The following TROAP variants were observed in gnomAD, a reference collection of about 807,000 sequenced individuals.
The protein encoded by TROAP is tastin.
Under a neutral mutation model 83.4 loss-of-function variants are expected in TROAP, and 62 were observed. The observed-to-expected ratio is 0.74, with a 90% CI of 0.61 to 0.92. The LOEUF (loss-of-function observed/expected upper bound fraction) is 0.92, where lower values mean the gene tolerates loss of function less well. TROAP is among the 40% of genes least tolerant of loss of function. TROAP has a pLI of 0.00. For synonymous variants in TROAP, 352 were observed against 386.4 expected (o/e 0.91, Z 1.04); for missense variants, 876 against 985.1 (o/e 0.89, Z 1.48).
chr12:49,324,799 C>T (rs1052051368), intron 3 of TROAP, among the ~76,000 whole-genome samples: 2 of 150,256 alleles, frequency 1.3e-5, no homozygotes, highest in Non-Finnish European at 3.0e-5. Flanking sequence ...GGCATGATCT[C>T]GGCTCACTGC....
intron 3 of TROAP, chr12:49,324,299 G>C: frequency 8.4e-7 from 1 of 1,195,978 alleles, no homozygotes; most frequent in Non-Finnish European, 1.2e-6. Context: ...TGGAGGCCAG[G>C]AGTTGGAGAC....
Position 49,331,350 on chromosome 12 carries a change from C to T in TROAP, c.2235C>T (p.Gly745=). The change falls in exon 14 of 15, where the codon GGC becomes GGT. Residue 745 remains glycine, a synonymous_variant. Coordinates refer to ENST00000257909, the MANE Select transcript of TROAP (RefSeq NM_005480.4). ...AFYTSRAPPS[G]PTRVCTNPVA... The stretch of plus-strand genomic sequence containing the variant: ...ACACCAGCCGAGCCCCTCCCTCAGG[C>T]CCCACCCGGGTCTGCACCAACCCTG... The T allele has an allele frequency of 6.2e-7, 1 of 1,614,198 alleles. No homozygotes were observed. Among genetic ancestry groups the T allele is most frequent in the Non-Finnish European group, 8.5e-7 (1 of 1,180,024 alleles).
chr12:49,325,937 G>T lies in TROAP; in HGVS notation c.633+53G>T. The T allele has an allele frequency of 3.7e-6, 6 of 1,605,304 alleles. No individual in the cohort carries two copies. The South Asian group carries it at 6.6e-5, about 18-fold the overall frequency. ...GGTGCTTCTGGGAGCTCCTTCCAGG[G>T]ACAAAGCTGGGCTCTGGGAGAAGAG... On this transcript the variant is annotated intron_variant, in intron 5 of 14. Coordinates refer to ENST00000257909, the MANE Select transcript of TROAP (RefSeq NM_005480.4).
chr12:49,331,184 A>G, intron 13 of TROAP, 30 bp from the exon 14 acceptor site: 1 of 1,612,722 alleles, frequency 6.2e-7, no homozygotes, highest in Non-Finnish European at 8.5e-7. Flanking sequence ...AGGACCCCAG[A>G]CCTCCCTCTA....
rs138412672 is a variant in TROAP at position 49,331,531 on chromosome 12, G to A, written c.2293-42G>A. Reference sequence around the variant, plus strand: ...GTCAGCAGGAAGGCTTGGCTACAGTGCAAGGTTGGCTGAGCTGTGACAAGG... The same window carrying A: ...GTCAGCAGGAAGGCTTGGCTACAGTACAAGGTTGGCTGAGCTGTGACAAGG... On this transcript the variant is annotated intron_variant, in intron 14 of 14. Coordinates refer to ENST00000257909, the MANE Select transcript of TROAP (RefSeq NM_005480.4). 46 of 1,614,130 alleles carry A rather than the reference G, an allele frequency of 2.8e-5. No individual in the cohort carries two copies. In the East Asian group the frequency reaches 1.0e-3, roughly 36 times the overall value.
intron 3 of TROAP, 152 bp downstream of exon 3, chr12:49,324,189 T>C: frequency 6.2e-7 from 1 of 1,614,158 alleles, no homozygotes; most frequent in South Asian, 1.1e-5. Context: ...TCTTTGCTCT[T>C]AGAAGATCTC....
At chr12:49,330,970 G>C (rs1307230018) in intron 13 of TROAP, 27 bp downstream of exon 13, 1 of 1,606,238 alleles carries the variant, frequency 6.2e-7, no homozygotes, top group African/African-American at 1.3e-5. Context: ...GAAGGAGTGT[G>C]AACACAAGAG....
At position 49,330,879 on chromosome 12, in the gene TROAP, C is replaced by T. The variant is rs1943570319; in HGVS notation, c.2034C>T (p.His678=). Residue 678 remains histidine (H), a synonymous_variant, in exon 13 of 15, where the codon CAC becomes CAT. Transcript: ENST00000257909. The stretch of plus-strand genomic sequence containing the variant: ...CCAGCCTGATCTTCTCTTCCCAACA[C>T]CCGCTTTGTGCCAGCCCCCCTATCT... ...ATTSLIFSSQ[H]PLCASPPICS... 6.2e-7 allele frequency: 1 copy of T among 1,612,972 alleles called. No homozygotes were observed. Among genetic ancestry groups the T allele is most frequent in the Non-Finnish European group, 8.5e-7 (1 of 1,179,958 alleles).
rs200324288 is a variant in TROAP at position 49,329,180 on chromosome 12, G to A, written c.1040G>A (p.Arg347Gln). The change falls in exon 10 of 15, where the codon CGG becomes CAG. Residue 347 changes from arginine (R) to glutamine (Q), a missense_variant. Physicochemically the swap from Arg to Gln is conservative, Grantham distance 43. Coordinates refer to ENST00000257909, the MANE Select transcript of TROAP (RefSeq NM_005480.4). The surrounding 1 kb of genome is among the most constrained non-coding windows in gnomAD (Gnocchi z 4.5). ...PPTLTSYSVL[R>Q]RLTVQPKTRF... ...CCCCAGACCTCATATTCAGTGTTGC[G>A]GCGTCTCACCGTTCAACCTAAAACC... The A allele has an allele frequency of 7.9e-5, 128 of 1,613,970 alleles. No individual in the cohort carries two copies. Among genetic ancestry groups the A allele is most frequent in the Non-Finnish European group, 1.0e-4 (119 of 1,180,032 alleles).
In TROAP at chr12:49,329,631, G is replaced by A; in HGVS notation, c.1164+177G>A. ...GCTTGAGCTCAGATCTTTGAGACCA[G>A]CCTGGGCAACATAGTGAGACCCTGT... On this transcript the variant is annotated intron_variant, in intron 11 of 14. Coordinates refer to ENST00000257909, the MANE Select transcript of TROAP (RefSeq NM_005480.4). The surrounding 1 kb of genome is among the most constrained non-coding windows in gnomAD (Gnocchi z 4.5). 1 of 986,310 alleles carries A rather than the reference G, an allele frequency of 1.0e-6. No individual in the cohort carries two copies. The highest frequency in any genetic ancestry group is 1.5e-6 in the Non-Finnish European group (1 of 667,728). 61.1% of individuals were successfully genotyped at this position (986,310 alleles called of 1,614,324 possible).
At position 49,330,754 on chromosome 12, in the gene TROAP, C is replaced by T. The variant is rs371986463; in HGVS notation, c.1909C>T (p.Pro637Ser). 30 of 1,613,914 alleles carry T rather than the reference C, an allele frequency of 1.9e-5. No homozygotes were observed. Among genetic ancestry groups the T allele is most frequent in the Non-Finnish European group, 2.5e-5 (30 of 1,179,970 alleles). ...GCAGTCTGGACCCCCAGGGCCCTGC[C>T]CTAGGGTAGAGCTGGGGGCATCAGA... ...QGQSGPPGPC[P>S]RVELGASEPC... Residue 637 changes from proline (P) to serine (S), a missense_variant, in exon 13 of 15, where the codon CCT becomes TCT. Pro to Ser is a moderately conservative substitution (Grantham distance 74, BLOSUM62 -1). Transcript: ENST00000257909.
rs764989091 is a variant in TROAP, at chr12:49,327,280, C to G, written c.841C>G (p.Leu281Val). 2 of 1,614,174 alleles carry G rather than the reference C, an allele frequency of 1.2e-6. No homozygotes were observed. Among genetic ancestry groups the G allele is most frequent in the Admixed American group, 1.7e-5 (1 of 60,020 alleles). Residue 281 changes from leucine to valine, a missense_variant, in exon 8 of 15, where the codon CTG becomes GTG. Transcript: ENST00000257909. ...TGAAGGAGGTGTGGCCTCTCTTGGTCTGGCCCAGCGAGTACCATTAAGAGA... is the reference window on the plus strand; with the variant it reads ...TGAAGGAGGTGTGGCCTCTCTTGGTGTGGCCCAGCGAGTACCATTAAGAGA... ...SDEGGVASLG[L>V]AQRVPLRENR...
chr12:49,330,495 A>C lies in TROAP; in HGVS notation c.1650A>C (p.Pro550=). The C allele has an allele frequency of 6.2e-7, 1 of 1,613,422 alleles. No individual in the cohort carries two copies. ...TTGAAGTACCAGAGCCCTACCCTCC[A>C]GCAGAACCCAGGCCCCTAGAGTCCT... ...EQLEVPEPYP[P]AEPRPLESCC... Residue 550 remains proline, a synonymous_variant, in exon 13 of 15, where the codon CCA becomes CCC. Transcript: ENST00000257909.
rs1160687744 is a variant in TROAP at position 49,331,252 on chromosome 12, GAGC to G, written c.2138_2140del (p.Glu713_Arg714delinsGly). 7.4e-6 allele frequency: 12 copies of G among 1,614,086 alleles called. No individual in the cohort carries two copies. The highest frequency in any genetic ancestry group is 1.7e-5 in the Admixed American group (1 of 60,004). The stretch of plus-strand genomic sequence containing the variant: ...GGCCCCTCGAACCCTAGCCCTGAGG[GAGC>G]GCCTCAAATCGTGTTTAACCGCCAT... On this transcript the variant is annotated inframe_deletion, in exon 14 of 15. Transcript: ENST00000257909.
chr12:49,330,723 CCA>C lies in TROAP; in HGVS notation c.1879_1880del (p.Gln627GlyfsTer11). On this transcript the variant is annotated frameshift_variant, in exon 13 of 15. Coordinates refer to ENST00000257909, the MANE Select transcript of TROAP (RefSeq NM_005480.4). LOFTEE classifies it high-confidence loss of function. ...AEPGPLQPST[Q>X]GQSGPPGPCP... ...AACCCGGGCCCCTTCAGCCCAGCAC[CCA>C]GGGGCAGTCTGGACCCCCAGGGCCC... is the stretch of plus-strand genomic sequence containing the variant. 6.2e-7 allele frequency: 1 copy of C among 1,614,042 alleles called. No homozygotes were observed. Among genetic ancestry groups the C allele is most frequent in the Non-Finnish European group, 8.5e-7 (1 of 1,179,974 alleles).
In TROAP at chr12:49,330,924, AC is replaced by A; in HGVS notation, c.2084del (p.Pro695GlnfsTer15). 1.9e-6 allele frequency: 3 copies of A among 1,611,434 alleles called. No homozygotes were observed. Among genetic ancestry groups the A allele is most frequent in the Non-Finnish European group, 8.5e-7 (1 of 1,179,900 alleles). On this transcript the variant is annotated frameshift_variant, in exon 13 of 15. Coordinates refer to ENST00000257909, the MANE Select transcript of TROAP (RefSeq NM_005480.4). LOFTEE classifies it high-confidence loss of function. ...CTATCTGCTCACTCCAGTCTTTGAG[AC>A]CCCCAGCAGGCCAGGCAGGTAAGGA... is the stretch of plus-strand genomic sequence containing the variant. ...PPICSLQSLR[P>X]PAGQAGLSNL...
rs1201135790 is a variant in TROAP, at chr12:49,326,682, A to T, written c.731A>T (p.Gln244Leu). The change falls in exon 7 of 15, where the codon CAG becomes CTG. Residue 244 changes from glutamine to leucine, a missense_variant. Physicochemically the swap from Gln to Leu is moderately radical, Grantham distance 113. Transcript: ENST00000257909. ...TAGSSRTSVS[Q>L]ASGLLLETPV... ...ATTGTCATCAGGACTTCAGTGAGCC[A>T]GGCCTCAGGATTGCTCCTGGAGACC... The T allele has an allele frequency of 6.4e-7, 1 of 1,559,254 alleles. No homozygotes were observed. Among genetic ancestry groups the T allele is most frequent in the African/African-American group, 1.4e-5 (1 of 73,378 alleles).
Position 49,330,370 on chromosome 12 carries a change from T to A in TROAP, c.1525T>A (p.Cys509Ser), listed in dbSNP as rs143183472. 6.3e-3 allele frequency: 10,121 copies of A among 1,614,068 alleles called. 57 individuals are homozygous for A. The highest frequency in any genetic ancestry group is 7.0e-3 in the Non-Finnish European group (8,293 of 1,179,976). The change falls in exon 13 of 15, where the codon TGC becomes AGC. Residue 509 changes from cysteine (C) to serine (S), a missense_variant. Cys to Ser is a moderately radical substitution (Grantham distance 112). Coordinates refer to ENST00000257909, the MANE Select transcript of TROAP (RefSeq NM_005480.4). ...GCCAAAGCCCTGTCTTCCAGAGGAGTGCGGGGAACCACAGCCCTGCCCTCC... is the reference window on the plus strand; with the variant it reads ...GCCAAAGCCCTGTCTTCCAGAGGAGAGCGGGGAACCACAGCCCTGCCCTCC... ...GLPKPCLPEE[C>S]GEPQPCPPAE...
Position 49,324,020 on chromosome 12 carries a change from G to A in TROAP, c.320G>A (p.Gly107Glu), listed in dbSNP as rs1030349224. Residue 107 changes from glycine to glutamate, a missense_variant, in exon 3 of 15, where the codon GGG becomes GAG. Physicochemically the swap from Gly to Glu is moderately conservative, Grantham distance 98 (BLOSUM62 -2). Around this residue, in one of 3 missense-constraint regions of TROAP, gnomAD observed 689 missense variants for 722.6 expected, o/e 0.95. Transcript: ENST00000257909. ...CCTAGGGGTCAAAATGTGGGGCCTGGGCCCCCTGCCCAGACAGGTACCTGT... is the reference window on the plus strand; with the variant it reads ...CCTAGGGGTCAAAATGTGGGGCCTGAGCCCCCTGCCCAGACAGGTACCTGT... ...PSPRGQNVGP[G>E]PPAQTEAPGT... is the part of the protein sequence containing the mutation. The A allele has an allele frequency of 1.9e-6, 3 of 1,613,558 alleles. No individual in the cohort carries two copies. In the African/African-American group the frequency reaches 4.0e-5, roughly 22 times the overall value.
Sources: allele counts gnomAD v4.1 joint callset (sites outside exome capture counted in the v4.1 genomes callset), GRCh38; gene constraint gnomAD v4.1.1; regional missense constraint gnomAD v4.1.1; non-coding constraint Gnocchi (gnomAD v3.1); transcripts MANE v1.5; gene names NCBI Gene and HGNC (gene_info 2026-07-23, HGNC 2026-07-21).